The following SETD1B variants were observed in gnomAD, a reference collection of about 807,000 sequenced individuals.
SETD1B encodes SET domain containing 1B, histone lysine methyltransferase, also known as histone-lysine N-methyltransferase SETD1B.
SETD1B carries 7 observed loss-of-function variants against 148.0 expected under a neutral mutation model. The observed-to-expected ratio is 0.05, with a 90% confidence interval of 0.03 to 0.09. SETD1B has a LOEUF of 0.09. Among genes scored for constraint, SETD1B ranks in the 10% least tolerant of loss-of-function variants. SETD1B has a pLI of 1.00. For missense variants in SETD1B, 2,155 were observed against 2,729.9 expected, an observed-to-expected ratio of 0.79 and a Z score of 4.69; for synonymous variants, 1,361 against 1,186.5, an observed-to-expected ratio of 1.15 and a Z score of -3.02.
intron 12 of SETD1B, 72 bp from the exon 13 acceptor site, chr12:121,825,128 G>A: frequency 6.9e-7 from 1 of 1,443,160 alleles, no homozygotes; most frequent in Non-Finnish European, 9.4e-7. Context: ...GTCTGAGGAT[G>A]GGCGGGACCA....
chr12:121,801,101 A>C (rs1875335036), upstream of SETD1B: 1 of 152,160 alleles, frequency 6.6e-6, no homozygotes, highest in South Asian at 2.1e-4. Context: ...CATGGTGCCA[A>C]CATGGACGCC....
chr12:121,828,672 C>G (rs2137591258), intron 16 of SETD1B, among the ~76,000 whole-genome samples: 1 of 152,352 alleles, frequency 6.6e-6, no homozygotes, highest in African/African-American at 2.4e-5. Flanking sequence ...AAGCTCTGAG[C>G]AGGAGGCAGG....
At chr12:121,811,555 G>T (rs956252694) in intron 6 of SETD1B, among the ~76,000 whole-genome samples, 1 of 152,224 alleles carries the variant, frequency 6.6e-6, no homozygotes, top group South Asian at 2.1e-4. Flanking sequence ...CCGCCCAGGG[G>T]TTGGGGGTGA....
At position 121,804,278 on chromosome 12, in the gene SETD1B, C is replaced by CG. The variant is rs1875584271; in HGVS notation, c.-15+47dup. 6.8e-6 allele frequency: 1 copy of CG among 146,476 alleles called. No individual in the cohort carries two copies. Among genetic ancestry groups the CG allele is most frequent in the Non-Finnish European group, 1.5e-5 (1 of 65,796 alleles). The allele number at this position is 146,476 out of a possible 1,614,324, so 9.1% of individuals were successfully genotyped here. On this transcript the variant is annotated intron_variant, in intron 1 of 16. Coordinates refer to ENST00000604567, the MANE Select transcript of SETD1B (RefSeq NM_001353345.2). The surrounding 1 kb of genome is among the most constrained non-coding windows in gnomAD (Gnocchi z 4.6). ...GGAGAGGCCGCGGCCGGCAGCCGGG[C>CG]GGCCCAAGCCCCCGGCCCCGGCCCT...
chr12:121,793,983 C>T, the SETD1B span: 29 of 209,658 alleles, frequency 1.4e-4, no homozygotes, highest in African/African-American at 6.2e-4. Flanking sequence ...CCCTGATTAG[C>T]AGGCTCCGCC....
Position 121,810,790 on chromosome 12 carries a change from G to A in SETD1B, c.1845G>A (p.Leu615=), listed in dbSNP as rs1427066989. The A allele has an allele frequency of 1.3e-6, 2 of 1,536,416 alleles. No homozygotes were observed. Among genetic ancestry groups the A allele is most frequent in the Non-Finnish European group, 1.8e-6 (2 of 1,137,322 alleles). ...TGAGCCAGACAGCTGAGGTGGCCTT[G>A]GACCTGGTTGGAGACAGAACCCCGA... ...GLLSQTAEVA[L]DLVGDRTPTS... is the part of the protein sequence containing the mutation. Residue 615 remains leucine, a synonymous_variant, in exon 6 of 17, where the codon TTG becomes TTA. Transcript: ENST00000604567. This position sits in a 1 kb window ranked among gnomAD's most constrained non-coding sequence, Gnocchi z 7.6.
In SETD1B at chr12:121,822,725, A is replaced by G; in HGVS notation, c.4146A>G (p.Thr1382=). 1 of 1,522,546 alleles carries G rather than the reference A, an allele frequency of 6.6e-7. No homozygotes were observed. The highest frequency in any genetic ancestry group is 8.9e-7 in the Non-Finnish European group (1 of 1,127,076). 94.3% of individuals were successfully genotyped at this position (1,522,546 alleles called of 1,614,324 possible). The change falls in exon 12 of 17, where the codon ACA becomes ACG. Residue 1382 remains threonine (T), a synonymous_variant. Transcript: ENST00000604567. Reference sequence around the variant, plus strand: ...AGAGCACAGAGACGGTGCCAGCCACACCAGGCGGGGAGCCCCCGCTATCAG... The same window carrying G: ...AGAGCACAGAGACGGTGCCAGCCACGCCAGGCGGGGAGCCCCCGCTATCAG... The part of the protein sequence containing the change: ...KSQSTETVPA[T]PGGEPPLSGG...
In SETD1B at chr12:121,822,517, C is replaced by A; in HGVS notation, c.3938C>A (p.Pro1313His). 6.5e-7 allele frequency: 1 copy of A among 1,548,962 alleles called. No individual in the cohort carries two copies. The highest frequency in any genetic ancestry group is 1.4e-5 in the African/African-American group (1 of 73,070). ...CATGACCTGGAAGTGGAGCCGGAGC[C>A]CCCTATGATGCTCCCCTTGCCGCTG... ...PEHDLEVEPE[P>H]PMMLPLPLQP... Residue 1313 changes from proline to histidine, a missense_variant, in exon 12 of 17, where the codon CCC (proline) becomes CAC (histidine). By Grantham distance (77) the Pro-to-His change is moderately conservative. Coordinates refer to ENST00000604567, the MANE Select transcript of SETD1B (RefSeq NM_001353345.2).
the SETD1B span, chr12:121,795,134 G>A: frequency 1.1e-4 from 17 of 152,244 alleles, no homozygotes; most frequent in Non-Finnish European, 2.3e-4. Context: ...AGAATCCCAA[G>A]ACCACAGCAG....
At chr12:121,792,163 A>C in the SETD1B span, among the ~76,000 whole-genome samples, 1 of 152,150 alleles carries the variant, frequency 6.6e-6, no homozygotes, top group Non-Finnish European at 1.5e-5. Context: ...GTGGGGGTGG[A>C]GGTGTCTGGA....
rs575380414 is a variant in SETD1B, at chr12:121,810,703, C to T, written c.1758C>T (p.Leu586=). 4.6e-5 allele frequency: 71 copies of T among 1,551,050 alleles called. 1 individual carries two copies. The highest frequency in any genetic ancestry group is 1.9e-4 in the South Asian group (16 of 84,032). The change falls in exon 6 of 17, where the codon CTC becomes CTT. Residue 586 remains leucine (L), a synonymous_variant. Coordinates refer to ENST00000604567, the MANE Select transcript of SETD1B (RefSeq NM_001353345.2). The surrounding 1 kb of genome is among the most constrained non-coding windows in gnomAD (Gnocchi z 7.6). ...CAGACTCCGACGAGGACGAGGAGCT[C>T]GACCTGGGCCTTGGGCCTCGGCCTC... ...PLPDSDEDEE[L]DLGLGPRPPP... is the part of the protein sequence containing the mutation.
At chr12:121,828,934 G>A (rs79914697) in intron 16 of SETD1B, among the ~76,000 whole-genome samples, 2,098 of 152,316 alleles carry the variant, frequency 0.014, 16 homozygotes, top group Non-Finnish European at 0.023. Flanking sequence ...GGGTGGTAGG[G>A]ACTTTCCTGT....
chr12:121,825,060 A>C, intron 12 of SETD1B, 140 bp from the exon 13 acceptor site: 1 of 789,210 alleles, frequency 1.3e-6, no homozygotes, highest in East Asian at 2.9e-5. Context: ...GCGGGCAGCC[A>C]CGTGGAGGTG....
chr12:121,814,592 C>T lies in SETD1B; in HGVS notation c.2377C>T (p.Pro793Ser), dbSNP rs1198676726. 2.0e-6 allele frequency: 3 copies of T among 1,531,508 alleles called. No homozygotes were observed. Among genetic ancestry groups the T allele is most frequent in the Non-Finnish European group, 2.6e-6 (3 of 1,135,312 alleles). The allele number at this position is 1,531,508 out of a possible 1,614,324, so 94.9% of individuals were successfully genotyped here. The part of the protein sequence containing the change: ...SRLMTGQGAC[P>S]YPPFMAAAAA... The stretch of plus-strand genomic sequence containing the variant: ...GCTGATGACGGGCCAGGGCGCCTGC[C>T]CCTACCCGCCCTTCATGGCCGCTGC... The change falls in exon 7 of 17, where the codon CCC becomes TCC. Residue 793 changes from proline (P) to serine (S), a missense_variant. Pro to Ser is a moderately conservative substitution (Grantham distance 74). Coordinates refer to ENST00000604567, the MANE Select transcript of SETD1B (RefSeq NM_001353345.2).
rs536101657 is a variant in SETD1B at position 121,814,624 on chromosome 12, C to T, written c.2409C>T (p.Ala803=). 22 of 1,544,972 alleles carry T rather than the reference C, an allele frequency of 1.4e-5. No individual in the cohort carries two copies. The highest frequency in any genetic ancestry group is 1.2e-4 in the East Asian group (5 of 40,686). ...CGCCCTTCATGGCCGCTGCGGCCGCCGCTGCCTCAGCTGGGCTCCAGTTTG... is the reference window on the plus strand; with the variant it reads ...CGCCCTTCATGGCCGCTGCGGCCGCTGCTGCCTCAGCTGGGCTCCAGTTTG... ...PYPPFMAAAA[A]AASAGLQFVN... Residue 803 remains alanine, a synonymous_variant, in exon 7 of 17, where the codon GCC becomes GCT. Coordinates refer to ENST00000604567, the MANE Select transcript of SETD1B (RefSeq NM_001353345.2).
Position 121,810,504 on chromosome 12 carries a change from C to G in SETD1B, c.1559C>G (p.Pro520Arg). Residue 520 changes from proline (P) to arginine (R), a missense_variant, in exon 6 of 17, where the codon CCG becomes CGG. By Grantham distance (103) the Pro-to-Arg change is moderately radical. Transcript: ENST00000604567. The surrounding 1 kb of genome is among the most constrained non-coding windows in gnomAD (Gnocchi z 7.6). ...QRTKLLFLRE[P>R]DSDTELQMEG... The stretch of plus-strand genomic sequence containing the variant: ...ACCAAGCTGCTCTTCCTGAGGGAGC[C>G]GGACTCGGACACCGAGCTGCAGATG... The G allele has an allele frequency of 6.5e-7, 1 of 1,546,346 alleles. No homozygotes were observed. The highest frequency in any genetic ancestry group is 8.7e-7 in the Non-Finnish European group (1 of 1,146,980).
rs1482083164 is a variant in SETD1B at position 121,822,998 on chromosome 12, C to G, written c.4419C>G (p.Pro1473=). 1.3e-6 allele frequency: 2 copies of G among 1,529,000 alleles called. No individual in the cohort carries two copies. The highest frequency in any genetic ancestry group is 8.8e-7 in the Non-Finnish European group (1 of 1,139,706). 94.7% of individuals were successfully genotyped at this position (1,529,000 alleles called of 1,614,324 possible). ...ASPVLLETGL[P]LPLPLPLPLP... ...CGGTGCTCCTGGAGACGGGCCTGCC[C>G]CTCCCTCTGCCCCTTCCCCTGCCCT... Residue 1473 remains proline (P), a synonymous_variant, in exon 12 of 17, where the codon CCC becomes CCG. Transcript: ENST00000604567.
In SETD1B at chr12:121,832,605, T is replaced by C; in HGVS notation, c.*2366T>C. 3.8e-6 allele frequency: 1 copy of C among 263,662 alleles called. No homozygotes were observed. Among genetic ancestry groups the C allele is most frequent in the Non-Finnish European group, 7.3e-6 (1 of 137,050 alleles). The allele number at this position is 263,662 out of a possible 1,614,324, so 16.3% of individuals were successfully genotyped here. ...GAATTCAATACTATGTACCATTGTA[T>C]TATAGTAACTTTTATAAAGCAAACC... On this transcript the variant is annotated 3_prime_UTR_variant, in exon 17 of 17. Transcript: ENST00000604567.
chr12:121,824,949 C>G (rs894883731), intron 12 of SETD1B, among the ~76,000 whole-genome samples: 103 of 148,598 alleles, frequency 6.9e-4, no homozygotes, highest in African/African-American at 2.4e-3. Flanking sequence ...CACCACTGCA[C>G]TCGAGCCTGG....
Sources: allele counts gnomAD v4.1 joint callset (sites outside exome capture counted in the v4.1 genomes callset), GRCh38; gene constraint gnomAD v4.1.1; non-coding constraint Gnocchi (gnomAD v3.1); transcripts MANE v1.5; gene names NCBI Gene and HGNC (gene_info 2026-07-23, HGNC 2026-07-21).